The following SCLT1 variants were observed in gnomAD, a reference collection of about 807,000 sequenced individuals.
The protein encoded by SCLT1 is sodium channel and clathrin linker 1.
Under a neutral mutation model 112.8 loss-of-function variants are expected in SCLT1, and 78 were observed. The observed-to-expected ratio is 0.69, with a 90% confidence interval of 0.58 to 0.83. The LOEUF is 0.83. Among genes scored for constraint, SCLT1 ranks in the 40% least tolerant of loss-of-function variants. The pLI is 0.00. For missense variants in SCLT1, 747 were observed against 770.4 expected, an observed-to-expected ratio of 0.97 and a Z score of 0.36; for synonymous variants, 257 against 254.7, an observed-to-expected ratio of 1.01 and a Z score of -0.09.
intron 5 of SCLT1, among the ~76,000 whole-genome samples, chr4:129,032,759 A>C (rs187511666): frequency 5.3e-5 from 8 of 151,756 alleles, no homozygotes; most frequent in Admixed American, 3.3e-4. Flanking sequence ...TCATTAGAGA[A>C]ATGCGAATCA....
At chr4:129,063,887 C>T (rs1750226717) in intron 2 of SCLT1, among the ~76,000 whole-genome samples, 2 of 152,218 alleles carry the variant, frequency 1.3e-5, no homozygotes, top group Admixed American at 6.5e-5. Flanking sequence ...ACTCACTATG[C>T]TCTCACTTCC....
intron 1 of SCLT1, among the ~76,000 whole-genome samples, chr4:129,086,284 T>C (rs1259022132): frequency 2.0e-5 from 3 of 147,864 alleles, no homozygotes; most frequent in Non-Finnish European, 4.5e-5. Context: ...TTGCGTTTCC[T>C]GGATACCTGA....
chr4:128,972,442 A>C lies in SCLT1; in HGVS notation c.687-1974T>G, dbSNP rs542558760. ...ATAGCATGATCAAGGAAAAAAAAAA[A>C]AAAACCTGTTGGAGACACAGGAAGC... On this transcript the variant is annotated intron_variant, in intron 9 of 20. Transcript: ENST00000281142. 2.0e-5 allele frequency: 3 copies of C among 152,172 alleles called. No homozygotes were observed. The East Asian group carries it at 5.8e-4, about 29-fold the overall frequency. 9.4% of individuals were successfully genotyped at this position (152,172 alleles called of 1,614,324 possible).
chr4:128,938,950 C>T (rs1358247653), intron 17 of SCLT1, among the ~76,000 whole-genome samples: 1 of 152,150 alleles, frequency 6.6e-6, no homozygotes, highest in Non-Finnish European at 1.5e-5. Flanking sequence ...CCATTGCACT[C>T]TAGCCTGGGC....
intron 1 of SCLT1, among the ~76,000 whole-genome samples, chr4:129,085,721 G>T (rs1398246873): frequency 4.6e-5 from 7 of 152,190 alleles, no homozygotes; most frequent in Non-Finnish European, 7.3e-5. Context: ...CAGGAACATG[G>T]ATGGAGCTGG....
intron 5 of SCLT1, among the ~76,000 whole-genome samples, chr4:129,028,479 G>C (rs1462526174): frequency 1.3e-5 from 2 of 152,186 alleles, no homozygotes. Flanking sequence ...GCCGTATGTA[G>C]AAAGCTGAAA....
intron 18 of SCLT1, among the ~76,000 whole-genome samples, chr4:128,935,926 A>G (rs981702409): frequency 1.3e-5 from 2 of 152,134 alleles, no homozygotes; most frequent in Non-Finnish European, 2.9e-5. Context: ...ACTTACATAC[A>G]TAATTTACTA....
intron 1 of SCLT1, among the ~76,000 whole-genome samples, chr4:129,090,736 G>A (rs1757936): frequency 0.66 from 100,692 of 152,054 alleles, 35,877 homozygotes; most frequent in South Asian, 0.83. Flanking sequence ...GATTGATAAT[G>A]CAAGTACCTC....
Position 129,093,295 on chromosome 4 carries a change from TC to T in SCLT1, c.-193del. ...TTCTTTCCCCCGCGCCCCAGACGAGTCCCTGGCCCTGGTGAGAGACTGAAGA... is the reference window on the plus strand; with the variant it reads ...TTCTTTCCCCCGCGCCCCAGACGAGTCCTGGCCCTGGTGAGAGACTGAAGA... On this transcript the variant is annotated 5_prime_UTR_variant, in exon 1 of 21. Transcript: ENST00000281142. The T allele has an allele frequency of 1.6e-6, 1 of 612,140 alleles. No homozygotes were observed. Among genetic ancestry groups the T allele is most frequent in the South Asian group, 1.9e-5 (1 of 52,016 alleles). The allele number at this position is 612,140 out of a possible 1,614,324, so 37.9% of individuals were successfully genotyped here. A position where few individuals can be genotyped will look rare whatever the true frequency, so the allele number is the denominator to read the frequency against.
chr4:129,065,547 T>G (rs1750403551), intron 2 of SCLT1, among the ~76,000 whole-genome samples: 1 of 152,124 alleles, frequency 6.6e-6, no homozygotes, highest in South Asian at 2.1e-4. Flanking sequence ...ACAAATGGAG[T>G]CATAGACAAT....
chr4:128,947,696 G>A (rs1738295525), intron 15 of SCLT1, among the ~76,000 whole-genome samples: 1 of 152,054 alleles, frequency 6.6e-6, no homozygotes, highest in Non-Finnish European at 1.5e-5. Flanking sequence ...GGATATTACT[G>A]CTAATAAAAA....
At chr4:129,013,662 G>C (rs1306079055) in intron 5 of SCLT1, among the ~76,000 whole-genome samples, 1 of 152,164 alleles carries the variant, frequency 6.6e-6, no homozygotes, top group Non-Finnish European at 1.5e-5. Flanking sequence ...TAGGGTTTCT[G>C]CTGAGAGGTC....
In SCLT1 at chr4:128,965,295, A is replaced by G. The variant is rs1435366759; in HGVS notation, c.801T>C (p.His267=). The change falls in exon 11 of 21, where the codon CAT becomes CAC. Residue 267 remains histidine, a synonymous_variant. Coordinates refer to ENST00000281142, the MANE Select transcript of SCLT1 (RefSeq NM_144643.4). ...GCCTATCTGATGCTTCCTCTCTTCC[A>G]TGGGCAGACACCACATCCTTCTCCT... is the stretch of plus-strand genomic sequence containing the variant. ...KKKEKDVVSA[H]GREEASDRRL... is the part of the protein sequence containing the mutation. 1 of 1,608,466 alleles carries G rather than the reference A, an allele frequency of 6.2e-7. No individual in the cohort carries two copies. Among genetic ancestry groups the G allele is most frequent in the African/African-American group, 1.3e-5 (1 of 74,804 alleles).
intron 2 of SCLT1, among the ~76,000 whole-genome samples, chr4:129,048,944 C>T (rs1260267874): frequency 6.6e-6 from 1 of 151,928 alleles, no homozygotes; most frequent in Admixed American, 6.6e-5. Flanking sequence ...CATCTCAAAC[C>T]AGTTAGAATG....
At chr4:128,977,040 C>T (rs1056611656) in intron 9 of SCLT1, among the ~76,000 whole-genome samples, 1 of 152,096 alleles carries the variant, frequency 6.6e-6, no homozygotes, top group Non-Finnish European at 1.5e-5. Context: ...AAAGAATAGA[C>T]TAGAATGATA....
chr4:128,910,601 CT>C (rs534399186), intron 18 of SCLT1, among the ~76,000 whole-genome samples: 49 of 151,828 alleles, frequency 3.2e-4, no homozygotes, highest in Non-Finnish European at 6.0e-4. Context: ...ATCACTTTTT[CT>C]TTTTTGGATT....
intron 5 of SCLT1, among the ~76,000 whole-genome samples, 164 bp from the exon 6 acceptor site, chr4:129,004,040 C>T (rs1049930442): frequency 6.6e-6 from 1 of 152,070 alleles, no homozygotes; most frequent in Non-Finnish European, 1.5e-5. Flanking sequence ...CCATTAAATA[C>T]TGTGCTATAA....
At chr4:129,030,507 A>G (rs1746610319) in intron 5 of SCLT1, among the ~76,000 whole-genome samples, 1 of 152,146 alleles carries the variant, frequency 6.6e-6, no homozygotes, top group Non-Finnish European at 1.5e-5. Flanking sequence ...TGCTCAAAAA[A>G]TGAATGAATC....
intron 19 of SCLT1, among the ~76,000 whole-genome samples, chr4:128,889,634 G>C (rs1733158124): frequency 6.6e-6 from 1 of 152,154 alleles, no homozygotes; most frequent in Non-Finnish European, 1.5e-5. Context: ...ATACAAAGCT[G>C]TCACAACATA....
Sources: allele counts gnomAD v4.1 joint callset (sites outside exome capture counted in the v4.1 genomes callset), GRCh38; gene constraint gnomAD v4.1.1; transcripts MANE v1.5; gene names NCBI Gene and HGNC (gene_info 2026-07-23, HGNC 2026-07-21).